PDE1C: variants seen among roughly 807,000 people sequenced by gnomAD.
PDE1C encodes the protein phosphodiesterase 1C, also known as dual specificity calcium/calmodulin-dependent 3',5'-cyclic nucleotide phosphodiesterase 1C.
A neutral mutation model predicts 93.1 loss-of-function variants in PDE1C; 62 were observed. That is an observed-to-expected ratio of 0.67 (90% CI 0.54 to 0.82). The LOEUF (loss-of-function observed/expected upper bound fraction) is 0.82. Among genes scored for constraint, PDE1C ranks in the 40% least tolerant of loss-of-function variants. The probability of loss-of-function intolerance (pLI) is 0.00; values close to 1 mark genes in which losing one functional copy is unlikely to be tolerated. For missense variants in PDE1C, 742 were observed against 884.6 expected, an observed-to-expected ratio of 0.84 and a Z score of 2.04; for synonymous variants, 325 against 310.1, an observed-to-expected ratio of 1.05 and a Z score of -0.50.
intron 1 of PDE1C, among the ~76,000 whole-genome samples, chr7:32,245,632 C>T (rs1458636013): frequency 6.6e-6 from 1 of 152,172 alleles, no homozygotes; most frequent in Admixed American, 6.5e-5. Flanking sequence ...GCATCTTAGT[C>T]TGTCTGGGTT....
At chr7:31,643,534 A>G in the PDE1C span, 1 of 1,614,022 alleles carries the variant, frequency 6.2e-7, no homozygotes, top group Admixed American at 1.7e-5. Flanking sequence ...GGCTGCTCAG[A>G]GGGCTGTGGC....
chr7:32,342,956 T>A (rs2128080618), intron 1 of PDE1C, among the ~76,000 whole-genome samples: 1 of 152,320 alleles, frequency 6.6e-6, no homozygotes, highest in East Asian at 1.9e-4. Flanking sequence ...GGAATATGCA[T>A]CATTATCAAA....
chr7:32,157,798 G>C (rs909406720), intron 3 of PDE1C, among the ~76,000 whole-genome samples: 2 of 152,154 alleles, frequency 1.3e-5, no homozygotes, highest in African/African-American at 4.8e-5. Context: ...GTAGCAAAAG[G>C]CTAAAAGGTG....
At chr7:31,743,094 T>G in the PDE1C span, among the ~76,000 whole-genome samples, 5 of 152,338 alleles carry the variant, frequency 3.3e-5, no homozygotes, top group Admixed American at 3.3e-4. Flanking sequence ...TGTTATTGAC[T>G]TCTTAATTTT....
At chr7:31,750,726 T>G (rs1687918563), downstream of PDE1C, among the ~76,000 whole-genome samples, 1 of 152,194 alleles carries the variant, frequency 6.6e-6, no homozygotes, top group Non-Finnish European at 1.5e-5. Context: ...TTTTTTTGTT[T>G]TGTTTTGTTT....
At chr7:32,221,272 C>T (rs1464327931) in intron 1 of PDE1C, among the ~76,000 whole-genome samples, 1 of 152,252 alleles carries the variant, frequency 6.6e-6, no homozygotes, top group Admixed American at 6.5e-5. Flanking sequence ...TTCAACCCCA[C>T]TCATTCCCAC....
the PDE1C span, among the ~76,000 whole-genome samples, chr7:31,745,060 A>G: frequency 5.9e-5 from 9 of 152,220 alleles, no homozygotes; most frequent in African/African-American, 2.2e-4. Flanking sequence ...TGGCACATAA[A>G]GAGATGTTTA....
chr7:31,898,903 T>A (rs1185225100), intron 2 of PDE1C, among the ~76,000 whole-genome samples: 2 of 152,198 alleles, frequency 1.3e-5, no homozygotes, highest in African/African-American at 4.8e-5. Flanking sequence ...AATAAAGGGC[T>A]TGAGATAAGA....
At position 32,070,256 on chromosome 7, in the gene PDE1C, G is replaced by A. The variant is rs776188680; in HGVS notation, c.101+37C>T. On this transcript the variant is annotated intron_variant, in intron 1 of 17. Coordinates refer to ENST00000396191, the MANE Select transcript of PDE1C (RefSeq NM_001191057.4). ...TGTGTGGTAAAATAAGGATGGGAGC[G>A]GGAAATGGGGCAGGAGAAGTAAATA... The A allele has an allele frequency of 8.1e-6, 13 of 1,613,098 alleles. 1 individual carries two copies. Among genetic ancestry groups the A allele is most frequent in the Middle Eastern group, 1.7e-4 (1 of 5,942 alleles).
chr7:32,258,531 G>C (rs759820124), intron 1 of PDE1C, among the ~76,000 whole-genome samples: 1 of 152,170 alleles, frequency 6.6e-6, no homozygotes, highest in Non-Finnish European at 1.5e-5. Flanking sequence ...GGCACGCCCT[G>C]CCAAATTCTC....
chr7:31,876,181 T>C (rs1796565377), intron 5 of PDE1C, among the ~76,000 whole-genome samples: 1 of 152,062 alleles, frequency 6.6e-6, no homozygotes, highest in African/African-American at 2.4e-5. Flanking sequence ...GAAAAAACAT[T>C]ACATTGTAAA....
intron 3 of PDE1C, among the ~76,000 whole-genome samples, chr7:32,104,041 ACAAT>A (rs1798169073): frequency 6.6e-6 from 1 of 152,202 alleles, no homozygotes; most frequent in South Asian, 2.1e-4. Context: ...AAATGAGAAA[ACAAT>A]CAATTACGCT....
intron 2 of PDE1C, among the ~76,000 whole-genome samples, chr7:31,948,223 C>T (rs1206025528): frequency 6.6e-6 from 1 of 152,204 alleles, no homozygotes; most frequent in African/African-American, 2.4e-5. Context: ...ATGGCCATTA[C>T]AGTGACTCAT....
At chr7:32,282,771 G>A (rs1331684929) in intron 1 of PDE1C, among the ~76,000 whole-genome samples, 3 of 151,798 alleles carry the variant, frequency 2.0e-5, no homozygotes, top group Non-Finnish European at 2.9e-5. Context: ...TAGTAGAGAC[G>A]GGGTTTCACC....
intron 2 of PDE1C, among the ~76,000 whole-genome samples, chr7:32,191,698 G>A (rs1388118712): frequency 6.6e-6 from 1 of 152,170 alleles, no homozygotes; most frequent in East Asian, 1.9e-4. Flanking sequence ...AGGTTTTTGT[G>A]TTAATATAAG....
intron 16 of PDE1C, among the ~76,000 whole-genome samples, chr7:31,804,853 A>G (rs1786600157): frequency 6.6e-6 from 1 of 151,834 alleles, no homozygotes; most frequent in South Asian, 2.1e-4. Context: ...GAACCAGTAC[A>G]GTGCGGATAA....
intron 1 of PDE1C, chr7:32,209,569 A>G: frequency 2.0e-6 from 3 of 1,537,692 alleles, no homozygotes; most frequent in Non-Finnish European, 2.6e-6. Flanking sequence ...TGCAATTTAA[A>G]TAAATAAAGC....
intron 1 of PDE1C, among the ~76,000 whole-genome samples, chr7:32,284,508 A>G (rs1811875391): frequency 6.6e-6 from 1 of 152,198 alleles, no homozygotes; most frequent in Admixed American, 6.5e-5. Flanking sequence ...CAATGAATTA[A>G]TTGCTTCTTT....
chr7:32,300,984 C>A (rs1485162465), upstream of PDE1C, among the ~76,000 whole-genome samples: 7 of 151,574 alleles, frequency 4.6e-5, no homozygotes. Context: ...TCTATAGATA[C>A]ACGCCACCAC....
Sources: allele counts gnomAD v4.1 joint callset (sites outside exome capture counted in the v4.1 genomes callset), GRCh38; gene constraint gnomAD v4.1.1; transcripts MANE v1.5; gene names NCBI Gene and HGNC (gene_info 2026-07-23, HGNC 2026-07-21).